Variants in NRXN1 observed in about 807,000 individuals in gnomAD.
The protein encoded by NRXN1 is neurexin-1.
NRXN1 carries 39 observed loss-of-function variants against 150.9 expected under a neutral mutation model. The observed-to-expected ratio is 0.26, with a 90% CI of 0.20 to 0.34. NRXN1 has a LOEUF of 0.34. Among genes scored for constraint, NRXN1 ranks in the 10% least tolerant of loss-of-function variants. The pLI is 1.00. For synonymous variants in NRXN1, 924 were observed against 757.0 expected, an observed-to-expected ratio of 1.22 and a Z score of -3.62; for missense variants, 1,815 against 1,949.9, an observed-to-expected ratio of 0.93 and a Z score of 1.30.
At chr2:50,785,421 T>C (rs1029112851) in intron 5 of NRXN1, among the ~76,000 whole-genome samples, 1 of 151,936 alleles carries the variant, frequency 6.6e-6, no homozygotes, top group Non-Finnish European at 1.5e-5. Flanking sequence ...GGTAATTTTT[T>C]GTATTTTCAG....
At chr2:50,993,492 C>T (rs930094612) in intron 2 of NRXN1, among the ~76,000 whole-genome samples, 1 of 151,864 alleles carries the variant, frequency 6.6e-6, no homozygotes, top group African/African-American at 2.4e-5. Flanking sequence ...CTGCCTGACA[C>T]TTGGTTGCAA....
At chr2:50,497,278 G>A in intron 14 of NRXN1, 55 bp downstream of exon 14, 1 of 1,375,492 alleles carries the variant, frequency 7.3e-7, no homozygotes, top group Non-Finnish European at 9.6e-7. Context: ...TTTGGAAATT[G>A]ACGTCCATTT....
chr2:50,380,911 C>G (rs2080911080), intron 17 of NRXN1, among the ~76,000 whole-genome samples: 2 of 152,188 alleles, frequency 1.3e-5, no homozygotes, highest in South Asian at 4.1e-4. Context: ...ACATTAGGCC[C>G]TCTAAAGAAT....
rs112194593 is a variant in NRXN1 at position 50,407,763 on chromosome 2, T to A, written c.3364+57679A>T. On this transcript the variant is annotated intron_variant, in intron 17 of 22. Coordinates refer to ENST00000401669, the MANE Select transcript of NRXN1 (RefSeq NM_001330078.2). ...AGAGACCTCCGCAGCAAAAAGGCCC[T>A]CACCAGATATGGTTCCTTGACCTTG... Among the ~76,000 whole-genome samples, 17 of 152,164 alleles carry A rather than the reference T, an allele frequency of 1.1e-4. 1 individual carries two copies. Among genetic ancestry groups the A allele is most frequent in the African/African-American group, 4.1e-4 (17 of 41,506 alleles).
chr2:50,430,045 A>G (rs1474204729), intron 17 of NRXN1, among the ~76,000 whole-genome samples: 3 of 152,186 alleles, frequency 2.0e-5, no homozygotes, highest in African/African-American at 7.2e-5. Flanking sequence ...TGACTCAGCC[A>G]TTAAACTAAA....
At chr2:50,348,533 A>G (rs1448578406) in intron 17 of NRXN1, among the ~76,000 whole-genome samples, 1 of 152,248 alleles carries the variant, frequency 6.6e-6, no homozygotes, top group Non-Finnish European at 1.5e-5. Flanking sequence ...CCTTTCTCTC[A>G]TCCTGTCTTA....
Position 49,933,888 on chromosome 2 carries a change from G to A in NRXN1, c.4216+9816C>T, listed in dbSNP as rs186641733. 3.2e-4 allele frequency among the ~76,000 whole-genome samples: 48 copies of A among 152,278 alleles called. No individual in the cohort carries two copies. In the South Asian group the frequency reaches 3.9e-3, roughly 12 times the overall value. ...TGACCATCAAGGACATTATCTCCCC[G>A]GGAGTAGTTGTATTTGAGGACTTCC... On this transcript the variant is annotated intron_variant, in intron 22 of 22. Coordinates refer to ENST00000401669, the MANE Select transcript of NRXN1 (RefSeq NM_001330078.2).
At chr2:50,646,789 T>G (rs1424778092) in intron 5 of NRXN1, among the ~76,000 whole-genome samples, 1 of 150,712 alleles carries the variant, frequency 6.6e-6, no homozygotes, top group Non-Finnish European at 1.5e-5. Context: ...CCACCATGAT[T>G]CTCTGTTTGG....
Position 50,711,924 on chromosome 2 carries a change from C to T in NRXN1, c.833-88309G>A, listed in dbSNP as rs187212783. The stretch of plus-strand genomic sequence containing the variant: ...GAAGCCCATCACCAGACACCAGACG[C>T]CGGCACCTTGATCTTGGACGTGCCA... On this transcript the variant is annotated intron_variant, in intron 5 of 22. Coordinates refer to ENST00000401669, the MANE Select transcript of NRXN1 (RefSeq NM_001330078.2). 2.0e-5 allele frequency among the ~76,000 whole-genome samples: 3 copies of T among 152,228 alleles called. No homozygotes were observed. In the East Asian group the frequency reaches 5.8e-4, roughly 29 times the overall value.
At chr2:50,625,943 T>C (rs896218201) in intron 5 of NRXN1, among the ~76,000 whole-genome samples, 3 of 152,054 alleles carry the variant, frequency 2.0e-5, no homozygotes, top group Non-Finnish European at 4.4e-5. Flanking sequence ...TTATGAAATC[T>C]AGAATTTTCT....
At chr2:50,042,770 TTATC>T (rs1691206992) in intron 21 of NRXN1, among the ~76,000 whole-genome samples, 1 of 152,186 alleles carries the variant, frequency 6.6e-6, no homozygotes, top group South Asian at 2.1e-4. Flanking sequence ...AGGTAGATCA[TTATC>T]TATCTATCTA....
chr2:49,926,448 TGTG>T, intron 22 of NRXN1: 1 of 398,160 alleles, frequency 2.5e-6, no homozygotes, highest in Non-Finnish European at 4.4e-6. Flanking sequence ...TAATATGTAT[TGTG>T]GTAACTTCGG....
intron 18 of NRXN1, among the ~76,000 whole-genome samples, chr2:50,095,059 G>A (rs1244958009): frequency 6.6e-6 from 1 of 152,158 alleles, no homozygotes. Flanking sequence ...AATAAGAGAG[G>A]GAGAGGAATA....
At chr2:49,938,014 G>GA (rs1197263445) in intron 22 of NRXN1, among the ~76,000 whole-genome samples, 1 of 152,088 alleles carries the variant, frequency 6.6e-6, no homozygotes, top group Non-Finnish European at 1.5e-5. Flanking sequence ...ATAGCACACT[G>GA]AAAAACCACT....
chr2:49,975,321 T>A (rs1203065800), intron 21 of NRXN1, among the ~76,000 whole-genome samples: 1 of 152,048 alleles, frequency 6.6e-6, no homozygotes, highest in Non-Finnish European at 1.5e-5. Context: ...CCAGTTTTCA[T>A]ACTATTCATA....
chr2:50,407,414 A>G (rs2082826666), intron 17 of NRXN1, among the ~76,000 whole-genome samples: 1 of 152,174 alleles, frequency 6.6e-6, no homozygotes, highest in Non-Finnish European at 1.5e-5. Flanking sequence ...TTCAGGACAC[A>G]AAATTCAGTC....
intron 18 of NRXN1, among the ~76,000 whole-genome samples, chr2:50,134,030 C>A (rs192030453): frequency 6.6e-6 from 1 of 152,068 alleles, no homozygotes; most frequent in African/African-American, 2.4e-5. Context: ...ACTAAACATG[C>A]CATCTGATTG....
intron 18 of NRXN1, among the ~76,000 whole-genome samples, chr2:50,101,906 G>A (rs537729095): frequency 2.0e-5 from 3 of 152,116 alleles, no homozygotes; most frequent in South Asian, 4.1e-4. Context: ...ACCTTGAAAT[G>A]CATCCCAAGA....
At chr2:50,092,549 C>G (rs1198292192) in intron 18 of NRXN1, among the ~76,000 whole-genome samples, 5 of 152,174 alleles carry the variant, frequency 3.3e-5, no homozygotes, top group African/African-American at 1.2e-4. Context: ...ACAGTCCATC[C>G]TTTCCTGTAG....
Sources: allele counts gnomAD v4.1 joint callset (sites outside exome capture counted in the v4.1 genomes callset), GRCh38; gene constraint gnomAD v4.1.1; transcripts MANE v1.5; gene names NCBI Gene and HGNC (gene_info 2026-07-23, HGNC 2026-07-21).